CHD6: variants seen among roughly 807,000 people sequenced by gnomAD.
CHD6 encodes the protein ATP-dependent chromatin remodeler CHD6.
Under a neutral mutation model 276.9 loss-of-function variants are expected in CHD6, and 50 were observed. That is an observed-to-expected ratio of 0.18 (90% CI 0.14 to 0.23). The LOEUF (loss-of-function observed/expected upper bound fraction) is 0.23. CHD6 is among the 10% of genes least tolerant of loss of function. The pLI is 1.00. For missense variants in CHD6, 2,564 were observed against 3,365.8 expected, an observed-to-expected ratio of 0.76 and a Z score of 5.89; for synonymous variants, 1,173 against 1,229.3, an observed-to-expected ratio of 0.95 and a Z score of 0.96.
In CHD6 at chr20:41,452,887, G is replaced by A; in HGVS notation, c.3176C>T (p.Ser1059Leu). The change falls in exon 21 of 37, where the codon TCG (serine) becomes TTG (leucine). Residue 1059 changes from serine to leucine, a missense_variant. This residue lies in a region of CHD6 where 515 missense variants were observed against 739.5 expected (regional missense o/e 0.70). Transcript: ENST00000373233. The surrounding 1 kb of genome is among the most constrained non-coding windows in gnomAD (Gnocchi z 4.2). The part of the protein sequence containing the change: ...RVRKQTKHYN[S>L]FEEDELMEFS... ...CTCCATGAGCTCGTCTTCCTCAAAC[G>A]AGTTGTAGTGTTTGGTCTGCTTTCT... 6.2e-7 allele frequency: 1 copy of A among 1,613,684 alleles called. No individual in the cohort carries two copies. Among genetic ancestry groups the A allele is most frequent in the Non-Finnish European group, 8.5e-7 (1 of 1,179,950 alleles).
At chr20:41,484,240 T>C (rs1010025806) in intron 15 of CHD6, 112 bp downstream of exon 15, 6 of 1,293,436 alleles carry the variant, frequency 4.6e-6, no homozygotes, top group Non-Finnish European at 6.5e-6. Context: ...AAGGTGAGAA[T>C]GCGTACATCC....
chr20:41,437,878 A>G (rs2047764866), intron 26 of CHD6, among the ~76,000 whole-genome samples: 1 of 152,244 alleles, frequency 6.6e-6, no homozygotes, highest in African/African-American at 2.4e-5. Context: ...GAGAGAAACT[A>G]TCACCAAACA....
chr20:41,444,547 C>A (rs1447289853), intron 25 of CHD6, among the ~76,000 whole-genome samples: 3 of 152,168 alleles, frequency 2.0e-5, no homozygotes, highest in Non-Finnish European at 4.4e-5. Context: ...ATACCAGTAT[C>A]CAAGTTTTGA....
intron 6 of CHD6, among the ~76,000 whole-genome samples, chr20:41,498,811 A>ATGTGTGTGTGTG (rs71193638): frequency 3.5e-5 from 3 of 86,550 alleles, no homozygotes; most frequent in Non-Finnish European, 4.4e-5. Context: ...GTATGTATGT[A>ATGTGTGTGTGTG]TGTGTGTGTG....
intron 36 of CHD6, among the ~76,000 whole-genome samples, chr20:41,406,079 T>A (rs1017067823): frequency 2.6e-5 from 4 of 152,116 alleles, no homozygotes. Context: ...GTTTAATACA[T>A]TACCTGATCC....
Position 41,436,972 on chromosome 20 carries a change from T to C in CHD6, c.4068+302A>G, listed in dbSNP as rs1386636535. Among the ~76,000 whole-genome samples, 3 of 152,226 alleles carry C rather than the reference T, an allele frequency of 2.0e-5. No homozygotes were observed. The East Asian group carries it at 5.8e-4, about 29-fold the overall frequency. ...ATCCATATCAGTATCCTGGTTGTGA[T>C]ATTGTACTACAATACTGCAAGACGC... is the stretch of plus-strand genomic sequence containing the variant. On this transcript the variant is annotated intron_variant, in intron 27 of 36. Transcript: ENST00000373233.
intron 3 of CHD6, among the ~76,000 whole-genome samples, chr20:41,525,353 A>G (rs1490318661): frequency 3.9e-5 from 6 of 152,226 alleles, no homozygotes. Context: ...GCCATTCTGC[A>G]GACAGTCCCT....
chr20:41,468,108 CTTTT>C (rs34106201), intron 17 of CHD6, among the ~76,000 whole-genome samples: 3 of 136,626 alleles, frequency 2.2e-5, no homozygotes, highest in South Asian at 2.3e-4. Flanking sequence ...TCCTATCATT[CTTTT>C]TTTTTTTTTT....
chr20:41,449,198 C>T (rs975798564), intron 23 of CHD6, among the ~76,000 whole-genome samples: 2 of 152,210 alleles, frequency 1.3e-5, no homozygotes, highest in African/African-American at 4.8e-5. Flanking sequence ...CCACTGCACC[C>T]AACCTGTTTG....
At chr20:41,463,795 A>G (rs1487241813) in intron 17 of CHD6, among the ~76,000 whole-genome samples, 2 of 152,222 alleles carry the variant, frequency 1.3e-5, no homozygotes, top group African/African-American at 4.8e-5. Flanking sequence ...GAAACAAATG[A>G]TAAGACTTGA....
chr20:41,578,404 A>C (rs1254630217), intron 1 of CHD6, among the ~76,000 whole-genome samples: 3 of 152,208 alleles, frequency 2.0e-5, no homozygotes, highest in Non-Finnish European at 2.9e-5. Context: ...GTTTTTTAAA[A>C]AAGTTTTTTA....
Position 41,579,437 on chromosome 20 carries a change from C to CAAAA in CHD6, c.-23-28081_-23-28078dup, listed in dbSNP as rs574347177. ...TGGGCGACAGAGTGAGACTCTGTCTCAAAAAAAAAAAAAAAAAATCTTAAA... is the reference window on the plus strand; with the variant it reads ...TGGGCGACAGAGTGAGACTCTGTCTCAAAAAAAAAAAAAAAAAAAAAATCTTAAA... On this transcript the variant is annotated intron_variant, in intron 1 of 36. Transcript: ENST00000373233. Among the ~76,000 whole-genome samples the CAAAA allele has an allele frequency of 5.1e-4, 36 of 69,968 alleles. No individual in the cohort carries two copies. In the East Asian group the frequency reaches 0.012, roughly 23 times the overall value. The allele number at this position is 69,968 out of a possible 152,430, so 45.9% of individuals were successfully genotyped here.
intron 17 of CHD6, among the ~76,000 whole-genome samples, chr20:41,462,315 C>A (rs1402846358): frequency 6.6e-6 from 1 of 152,186 alleles, no homozygotes; most frequent in Non-Finnish European, 1.5e-5. Flanking sequence ...ATTTGTCCCA[C>A]AATATAACAT....
chr20:41,506,080 C>T (rs1485766182), intron 5 of CHD6, among the ~76,000 whole-genome samples: 3 of 152,058 alleles, frequency 2.0e-5, no homozygotes, highest in Admixed American at 2.0e-4. Flanking sequence ...GTCCAAAACC[C>T]AATCTATTTC....
chr20:41,603,968 G>C (rs982765589), intron 1 of CHD6, among the ~76,000 whole-genome samples: 4 of 142,476 alleles, frequency 2.8e-5, no homozygotes, highest in Non-Finnish European at 4.5e-5. Context: ...CTTACCCTGG[G>C]TTCACCTATT....
intron 17 of CHD6, among the ~76,000 whole-genome samples, chr20:41,463,629 G>A (rs181851237): frequency 3.5e-4 from 53 of 152,190 alleles, no homozygotes; most frequent in Non-Finnish European, 4.7e-4. Context: ...AAAAAAACTG[G>A]CCAGTACTCT....
At chr20:41,430,471 G>C (rs2145532398) in intron 27 of CHD6, among the ~76,000 whole-genome samples, 1 of 152,290 alleles carries the variant, frequency 6.6e-6, no homozygotes, top group South Asian at 2.1e-4. Context: ...AGCTACTGCT[G>C]GGAGGAAGGG....
rs1477424151 is a variant in CHD6 at position 41,403,910 on chromosome 20, G to A, written c.*683C>T. Reference sequence around the variant, plus strand: ...GAGGAATCTTTTCACTGGTGAGAGGGATGTATAGAAAATAATGCCTAGTCA... The same window carrying A: ...GAGGAATCTTTTCACTGGTGAGAGGAATGTATAGAAAATAATGCCTAGTCA... On this transcript the variant is annotated 3_prime_UTR_variant, in exon 37 of 37. Coordinates refer to ENST00000373233, the MANE Select transcript of CHD6 (RefSeq NM_032221.5). 21 of 1,055,608 alleles carry A rather than the reference G, an allele frequency of 2.0e-5. No homozygotes were observed. The highest frequency in any genetic ancestry group is 3.3e-5 in the African/African-American group (2 of 60,476). The allele number at this position is 1,055,608 out of a possible 1,614,324, so 65.4% of individuals were successfully genotyped here. A position where few individuals can be genotyped will look rare whatever the true frequency, so the allele number is the denominator to read the frequency against.
chr20:41,558,674 C>CA (rs1362377071), intron 1 of CHD6, among the ~76,000 whole-genome samples: 1 of 152,154 alleles, frequency 6.6e-6, no homozygotes, highest in African/African-American at 2.4e-5. Flanking sequence ...CTCCTGGGGA[C>CA]AAGTAACCTT....
Sources: gnomAD v4.1 joint callset for allele counts (sites outside exome capture counted in the v4.1 genomes callset) on GRCh38, gnomAD v4.1.1 for gene constraint, gnomAD v4.1.1 regional missense constraint, Gnocchi (gnomAD v3.1) non-coding constraint, MANE v1.5 for transcripts, NCBI Gene and HGNC (gene_info 2026-07-23, HGNC 2026-07-21) for gene names.